The following C1orf87 variants were observed in gnomAD, a reference collection of about 807,000 sequenced individuals.
C1orf87 encodes the protein uncharacterized protein C1orf87.
A neutral mutation model predicts 60.5 loss-of-function variants in C1orf87; 58 were observed. The observed-to-expected ratio is 0.96, with a 90% CI of 0.78 to 1.19. C1orf87 has a LOEUF of 1.19. Ranked by LOEUF, C1orf87 falls within the 50% of genes most tolerant of loss-of-function variation. The pLI is 0.00. For synonymous variants in C1orf87, 236 were observed against 227.4 expected, an observed-to-expected ratio of 1.04 and a Z score of -0.34; for missense variants, 673 against 638.6, an observed-to-expected ratio of 1.05 and a Z score of -0.58.
rs906046604 is a variant in C1orf87 at position 59,990,589 on chromosome 1, A to G, written c.*84T>C. The G allele has an allele frequency of 6.6e-7, 1 of 1,515,652 alleles. No homozygotes were observed. The highest frequency in any genetic ancestry group is 1.4e-5 in the African/African-American group (1 of 72,496). 93.9% of individuals were successfully genotyped at this position (1,515,652 alleles called of 1,614,324 possible). A position where few individuals can be genotyped will look rare whatever the true frequency, so the allele number is the denominator to read the frequency against. On this transcript the variant is annotated 3_prime_UTR_variant, in exon 12 of 12. Coordinates refer to ENST00000371201, the MANE Select transcript of C1orf87 (RefSeq NM_152377.3). ...CCTCCACTCTGACAATGCCTCCGCC[A>G]CTACACTTAGGCTGGGGAGAAACAT...
chr1:60,028,581 AC>A (rs754240899), intron 7 of C1orf87, among the ~76,000 whole-genome samples: 2 of 152,234 alleles, frequency 1.3e-5, no homozygotes, highest in East Asian at 1.9e-4. Context: ...TATTAAAAAA[AC>A]ATGTGAAATA....
chr1:60,012,918 G>A (rs1393685219), intron 8 of C1orf87, among the ~76,000 whole-genome samples: 1 of 152,032 alleles, frequency 6.6e-6, no homozygotes, highest in Admixed American at 6.6e-5. Flanking sequence ...TGTGGTCTTC[G>A]CAGTTCCATG....
At chr1:60,005,369 G>A (rs921503934) in intron 9 of C1orf87, among the ~76,000 whole-genome samples, 15 of 152,088 alleles carry the variant, frequency 9.9e-5, no homozygotes, top group Admixed American at 3.9e-4. Flanking sequence ...GCTTCATGGA[G>A]TGTGCATTCT....
chr1:59,995,668 T>C (rs1440191879), intron 11 of C1orf87, among the ~76,000 whole-genome samples: 1 of 152,198 alleles, frequency 6.6e-6, no homozygotes, highest in African/African-American at 2.4e-5. Context: ...GGACCTCGCA[T>C]TAGATGGTCA....
chr1:60,009,934 A>G (rs563311583), intron 9 of C1orf87, among the ~76,000 whole-genome samples: 3 of 152,086 alleles, frequency 2.0e-5, no homozygotes, highest in African/African-American at 7.2e-5. Flanking sequence ...TAGCCCACGA[A>G]GGATCTTTCT....
At chr1:60,039,816 T>C (rs1277020962) in intron 5 of C1orf87, 101 bp downstream of exon 5, 1 of 1,323,930 alleles carries the variant, frequency 7.6e-7, no homozygotes. Flanking sequence ...GGGATAAAAG[T>C]TATTTGCAAG....
chr1:60,045,158 A>G (rs550674327), intron 3 of C1orf87, among the ~76,000 whole-genome samples: 2 of 152,330 alleles, frequency 1.3e-5, no homozygotes, highest in South Asian at 4.1e-4. Flanking sequence ...AGATAGCATT[A>G]AATGCAGATG....
chr1:60,001,434 A>G (rs1004141961), intron 9 of C1orf87, among the ~76,000 whole-genome samples: 4 of 152,110 alleles, frequency 2.6e-5, no homozygotes, highest in Non-Finnish European at 5.9e-5. Context: ...AATATGAGAA[A>G]ATAGGAAAGT....
chr1:60,021,748 A>C (rs1032501165), intron 8 of C1orf87, among the ~76,000 whole-genome samples: 1 of 152,236 alleles, frequency 6.6e-6, no homozygotes, highest in Non-Finnish European at 1.5e-5. Flanking sequence ...TATACAGATG[A>C]TAAATCTGCA....
chr1:60,039,851 T>C lies in C1orf87; in HGVS notation c.747+66A>G, dbSNP rs917332978. 1.5e-5 allele frequency: 23 copies of C among 1,514,028 alleles called. No homozygotes were observed. In the African/African-American group the frequency reaches 2.7e-4, roughly 18 times the overall value. 93.8% of individuals were successfully genotyped at this position (1,514,028 alleles called of 1,614,324 possible). Reference sequence around the variant, plus strand: ...GAAAGTAGCTAACTTCTTAGTCTTTTACCCTTGTGGGTACAAGTTAAGGAA... The same window carrying C: ...GAAAGTAGCTAACTTCTTAGTCTTTCACCCTTGTGGGTACAAGTTAAGGAA... On this transcript the variant is annotated intron_variant, in intron 5 of 11. Coordinates refer to ENST00000371201, the MANE Select transcript of C1orf87 (RefSeq NM_152377.3).
At chr1:60,029,037 C>T (rs1469426051) in intron 7 of C1orf87, among the ~76,000 whole-genome samples, 1 of 152,160 alleles carries the variant, frequency 6.6e-6, no homozygotes, top group Admixed American at 6.5e-5. Context: ...ATTCAGTTTT[C>T]ACCTCTCTAC....
In C1orf87 at chr1:59,990,809, C is replaced by G. The variant is rs761560791; in HGVS notation, c.1505G>C (p.Arg502Thr). Residue 502 changes from arginine (R) to threonine (T), a missense_variant, in exon 12 of 12, where the codon AGA (arginine) becomes ACA (threonine). By Grantham distance (71) the Arg-to-Thr change is moderately conservative (BLOSUM62 -1). Coordinates refer to ENST00000371201, the MANE Select transcript of C1orf87 (RefSeq NM_152377.3). The part of the protein sequence containing the change: ...NTGVLEKERA[R>T]RLIHNYNLIY... ...GAGATTGTAGTTGTGAATGAGGCGT[C>G]TGGCTCGTTCCTTCTCCAGAACTCC... 6.2e-7 allele frequency: 1 copy of G among 1,613,998 alleles called. No homozygotes were observed. Among genetic ancestry groups the G allele is most frequent in the Non-Finnish European group, 8.5e-7 (1 of 1,179,932 alleles).
At chr1:60,014,915 C>T (rs1039585565) in intron 8 of C1orf87, among the ~76,000 whole-genome samples, 2 of 152,188 alleles carry the variant, frequency 1.3e-5, no homozygotes, top group Non-Finnish European at 2.9e-5. Flanking sequence ...AAAGAGTTAG[C>T]TCTGTTCAGA....
chr1:60,006,430 T>A (rs563920690), intron 9 of C1orf87, among the ~76,000 whole-genome samples: 152 of 152,208 alleles, frequency 1.0e-3, no homozygotes, highest in Non-Finnish European at 2.0e-3. Flanking sequence ...TATGAGTATT[T>A]TTTTCCTTAG....
chr1:60,011,517 TC>T (rs1645084888), intron 8 of C1orf87, among the ~76,000 whole-genome samples: 2 of 152,066 alleles, frequency 1.3e-5, no homozygotes, highest in African/African-American at 4.8e-5. Context: ...TTTATTTTTC[TC>T]CAATTTTGTG....
At chr1:60,024,992 G>T (rs1418416078) in intron 8 of C1orf87, among the ~76,000 whole-genome samples, 2 of 152,128 alleles carry the variant, frequency 1.3e-5, no homozygotes, top group Non-Finnish European at 2.9e-5. Flanking sequence ...TTCACACATA[G>T]AACTCCTACT....
chr1:60,043,390 C>CT (rs573266199), intron 3 of C1orf87, among the ~76,000 whole-genome samples: 35 of 149,478 alleles, frequency 2.3e-4, no homozygotes, highest in African/African-American at 4.4e-4. Context: ...CAATTTCACT[C>CT]TTTTTTTTTT....
At chr1:60,025,570 T>A in intron 7 of C1orf87, 72 bp from the exon 8 acceptor site, 2 of 1,177,154 alleles carry the variant, frequency 1.7e-6, no homozygotes, top group Non-Finnish European at 2.4e-6. Flanking sequence ...AGAATACAAT[T>A]AATATTTGTT....
intron 8 of C1orf87, among the ~76,000 whole-genome samples, chr1:60,013,564 C>CA (rs1645104063): frequency 6.6e-6 from 1 of 151,640 alleles, no homozygotes; most frequent in South Asian, 2.1e-4. Context: ...TTATACTCTA[C>CA]AAAAAAATCA....
Sources: allele counts gnomAD v4.1 joint callset (sites outside exome capture counted in the v4.1 genomes callset), GRCh38; gene constraint gnomAD v4.1.1; transcripts MANE v1.5; gene names NCBI Gene and HGNC (gene_info 2026-07-23, HGNC 2026-07-21).